Variants in AGO3 observed in about 807,000 individuals in gnomAD.
The protein encoded by AGO3 is argonaute RISC catalytic component 3.
A neutral mutation model predicts 105.5 loss-of-function variants in AGO3; 16 were observed. The observed-to-expected ratio is 0.15, with a 90% CI of 0.10 to 0.23. AGO3 has a LOEUF of 0.23. AGO3 is among the 10% of genes least tolerant of loss of function. AGO3 has a pLI of 1.00. For synonymous variants in AGO3, 340 were observed against 367.3 expected, an observed-to-expected ratio of 0.93 and a Z score of 0.85; for missense variants, 534 against 1,088.0, an observed-to-expected ratio of 0.49 and a Z score of 7.16.
At chr1:35,995,205 A>ATATATATATATATATATAT (rs1553164834) in intron 5 of AGO3, among the ~76,000 whole-genome samples, 1 of 112,668 alleles carries the variant, frequency 8.9e-6, no homozygotes, top group African/African-American at 4.5e-5. Context: ...TGTCTAAAAA[A>ATATATATATATATATATAT]AAAAATATAT....
intron 17 of AGO3, among the ~76,000 whole-genome samples, chr1:36,047,549 G>T (rs1011859230): frequency 6.6e-6 from 1 of 152,072 alleles, no homozygotes; most frequent in African/African-American, 2.4e-5. Flanking sequence ...AGTTCCAGAA[G>T]GAGAAGAGAA....
At chr1:36,038,214 G>A (rs1642094540) in intron 14 of AGO3, among the ~76,000 whole-genome samples, 2 of 149,586 alleles carry the variant, frequency 1.3e-5, no homozygotes, top group South Asian at 4.3e-4. Context: ...GGAAGCCTTT[G>A]TGAGGCATTT....
intron 5 of AGO3, among the ~76,000 whole-genome samples, chr1:35,978,075 A>G (rs1049059001): frequency 1.3e-5 from 2 of 152,188 alleles, no homozygotes; most frequent in African/African-American, 4.8e-5. Flanking sequence ...GAAACCTATA[A>G]TAAAGAATAT....
Position 36,028,398 on chromosome 1 carries a change from C to T in AGO3, c.1591+1100C>T, listed in dbSNP as rs1300115251. ...ATCTCCCAATGCTATCCCTCCCCCC[C>T]CCCCACCCCACAACAGTCCCCAGAG... On this transcript the variant is annotated intron_variant, in intron 12 of 18. Transcript: ENST00000373191. Among the ~76,000 whole-genome samples, 448 of 108,998 alleles carry T rather than the reference C, an allele frequency of 4.1e-3. 13 individuals carry two copies. The highest frequency in any genetic ancestry group is 0.014 in the African/African-American group (419 of 28,944). The allele number at this position is 108,998 out of a possible 152,430, so 71.5% of individuals were successfully genotyped here. A position where few individuals can be genotyped will look rare whatever the true frequency, so the allele number is the denominator to read the frequency against.
chr1:36,038,816 A>T (rs1209180527), intron 14 of AGO3, among the ~76,000 whole-genome samples: 1 of 152,244 alleles, frequency 6.6e-6, no homozygotes, highest in Non-Finnish European at 1.5e-5. Flanking sequence ...CCAGATACAG[A>T]ACACAAATGC....
chr1:36,050,561 G>A (rs1642668895), intron 17 of AGO3, among the ~76,000 whole-genome samples: 1 of 151,842 alleles, frequency 6.6e-6, no homozygotes. Context: ...GGAGGCTGAG[G>A]CAGGTGGATC....
At chr1:36,030,504 CAA>C (rs547766292) in intron 12 of AGO3, among the ~76,000 whole-genome samples, 41 of 70,352 alleles carry the variant, frequency 5.8e-4, no homozygotes, top group Non-Finnish European at 4.5e-4. Flanking sequence ...GACCCTTTCT[CAA>C]AAAAAAAAAA....
At chr1:36,044,949 A>T (rs1642402065) in intron 17 of AGO3, among the ~76,000 whole-genome samples, 1 of 152,170 alleles carries the variant, frequency 6.6e-6, no homozygotes, top group Non-Finnish European at 1.5e-5. Flanking sequence ...ATTGATTAAG[A>T]TAGAAATTTC....
intron 5 of AGO3, among the ~76,000 whole-genome samples, chr1:36,002,579 G>T (rs991754185): frequency 6.6e-6 from 1 of 151,806 alleles, no homozygotes; most frequent in Middle Eastern, 3.4e-3. Flanking sequence ...CAGTCCACCC[G>T]CCTCGGCCTC....
chr1:35,950,747 T>A (rs1437683636), intron 2 of AGO3, among the ~76,000 whole-genome samples: 1 of 152,208 alleles, frequency 6.6e-6, no homozygotes, highest in Non-Finnish European at 1.5e-5. Flanking sequence ...GTATACATTC[T>A]GTAACTTGAG....
chr1:35,962,219 A>G (rs1029773785), intron 2 of AGO3, among the ~76,000 whole-genome samples: 16 of 152,128 alleles, frequency 1.1e-4, no homozygotes, highest in African/African-American at 3.6e-4. Context: ...AGGGAAACTT[A>G]CCCTGCCCCA....
At chr1:35,997,072 GTTCAAGAC>G (rs1395608972) in intron 5 of AGO3, among the ~76,000 whole-genome samples, 3 of 152,156 alleles carry the variant, frequency 2.0e-5, no homozygotes, top group African/African-American at 7.2e-5. Flanking sequence ...GAGGTCAGGA[GTTCAAGAC>G]TAGCTTGGCC....
intron 2 of AGO3, among the ~76,000 whole-genome samples, chr1:35,951,773 T>C (rs985859850): frequency 2.0e-5 from 3 of 152,242 alleles, no homozygotes; most frequent in African/African-American, 7.2e-5. Context: ...AGCAGCAATG[T>C]GTTTAAAGAA....
At chr1:36,033,486 T>TA (rs879885489) in intron 12 of AGO3, among the ~76,000 whole-genome samples, 4,835 of 134,412 alleles carry the variant, frequency 0.036, 89 homozygotes, top group Non-Finnish European at 0.051. Flanking sequence ...TCTACTTAAA[T>TA]AAAAAAAAAA....
At chr1:36,013,018 C>A (rs1640697383) in intron 9 of AGO3, among the ~76,000 whole-genome samples, 1 of 152,026 alleles carries the variant, frequency 6.6e-6, no homozygotes, top group Non-Finnish European at 1.5e-5. Flanking sequence ...CCCACTGCAG[C>A]CTTGAGCTCC....
intron 2 of AGO3, among the ~76,000 whole-genome samples, chr1:35,966,497 GT>G: frequency 6.6e-6 from 1 of 152,302 alleles, no homozygotes; most frequent in African/African-American, 2.4e-5. Flanking sequence ...ACACAGGTAT[GT>G]TTGCTGCTCT....
At chr1:36,038,243 G>C (rs1473031735) in intron 14 of AGO3, among the ~76,000 whole-genome samples, 1 of 142,640 alleles carries the variant, frequency 7.0e-6, no homozygotes, top group African/African-American at 2.6e-5. Context: ...CCGAGGGTCT[G>C]GATTTATTCT....
rs1206313635 is a variant in AGO3 at position 36,000,435 on chromosome 1, A to T, written c.659-3906A>T. Among the ~76,000 whole-genome samples, 4 of 152,180 alleles carry T rather than the reference A, an allele frequency of 2.6e-5. 1 individual carries two copies. The highest frequency in any genetic ancestry group is 7.2e-5 in the African/African-American group (3 of 41,444). On this transcript the variant is annotated intron_variant, in intron 5 of 18. Coordinates refer to ENST00000373191, the MANE Select transcript of AGO3 (RefSeq NM_024852.4). The stretch of plus-strand genomic sequence containing the variant: ...AGTGTAGTGGAATAAACAGGGAAAA[A>T]TAGTAGAAGAGGATTAAACAAGAGA...
rs77669880 is a variant in AGO3, at chr1:36,004,122, C to T, written c.659-219C>T. ...GAGAATGGAATGAATCAGTTACTTACGATGAAAGAGATAGATTATAAAAAC... is the reference window on the plus strand; with the variant it reads ...GAGAATGGAATGAATCAGTTACTTATGATGAAAGAGATAGATTATAAAAAC... On this transcript the variant is annotated intron_variant, in intron 5 of 18. Transcript: ENST00000373191. 3,352 of 408,846 alleles carry T rather than the reference C, an allele frequency of 8.2e-3. 29 individuals are homozygous for T. Among genetic ancestry groups the T allele is most frequent in the African/African-American group, 0.03 (1,469 of 49,448 alleles). The allele number at this position is 408,846 out of a possible 1,614,324, so 25.3% of individuals were successfully genotyped here.
Sources: gnomAD v4.1 joint callset for allele counts (sites outside exome capture counted in the v4.1 genomes callset) on GRCh38, gnomAD v4.1.1 for gene constraint, MANE v1.5 for transcripts, NCBI Gene and HGNC (gene_info 2026-07-23, HGNC 2026-07-21) for gene names.